Variants in VPS54 observed in about 807,000 individuals in gnomAD.
The protein encoded by VPS54 is VPS54 subunit of GARP complex.
A neutral mutation model predicts 121.5 loss-of-function variants in VPS54; 45 were observed. The observed-to-expected ratio is 0.37, with a 90% CI of 0.29 to 0.47. The LOEUF (loss-of-function observed/expected upper bound fraction) is 0.47. Ranked by LOEUF, VPS54 falls within the 20% of genes least tolerant of loss-of-function variation. VPS54 has a pLI of 0.99. For synonymous variants in VPS54, 371 were observed against 385.8 expected, an observed-to-expected ratio of 0.96 and a Z score of 0.45; for missense variants, 1,090 against 1,131.4, an observed-to-expected ratio of 0.96 and a Z score of 0.52.
At chr2:64,000,024 C>G (rs979150800) in intron 1 of VPS54, among the ~76,000 whole-genome samples, 6 of 151,984 alleles carry the variant, frequency 3.9e-5, no homozygotes, top group Non-Finnish European at 8.8e-5. Flanking sequence ...CCTTGCCCGG[C>G]TAATTTTTTG....
At chr2:63,945,370 C>T (rs1036055033) in intron 9 of VPS54, among the ~76,000 whole-genome samples, 4 of 152,016 alleles carry the variant, frequency 2.6e-5, no homozygotes, top group African/African-American at 9.7e-5. Flanking sequence ...GAGGGGAACA[C>T]CACACGGTGG....
At chr2:63,942,800 C>T (rs576299248) in intron 10 of VPS54, among the ~76,000 whole-genome samples, 43 of 152,246 alleles carry the variant, frequency 2.8e-4, no homozygotes, top group African/African-American at 9.4e-4. Context: ...GCTTTATGAT[C>T]ATTGAATGAA....
intron 7 of VPS54, among the ~76,000 whole-genome samples, chr2:63,954,976 A>G (rs1292922262): frequency 6.6e-6 from 1 of 151,990 alleles, no homozygotes; most frequent in Non-Finnish European, 1.5e-5. Context: ...CAATAAACAC[A>G]CCATAAGAAA....
At chr2:63,993,329 G>A (rs767510123) in intron 1 of VPS54, among the ~76,000 whole-genome samples, 13 of 152,114 alleles carry the variant, frequency 8.5e-5, no homozygotes, top group Middle Eastern at 3.2e-3. Context: ...TCCAATCTCC[G>A]CAGTCCCAGG....
intron 1 of VPS54, among the ~76,000 whole-genome samples, chr2:64,008,460 CAG>C (rs1433023330): frequency 6.7e-6 from 1 of 149,420 alleles, no homozygotes; most frequent in Non-Finnish European, 1.5e-5. Context: ...AGGAGATGGT[CAG>C]AGTTACATAC....
Position 63,944,699 on chromosome 2 carries a change from T to C in VPS54, c.1246-44A>G, listed in dbSNP as rs1674897179. On this transcript the variant is annotated intron_variant, in intron 9 of 22. Coordinates refer to ENST00000272322, the MANE Select transcript of VPS54 (RefSeq NM_016516.3). ...AACAAAAACAATTTGATTAATTGTC[T>C]TTCAAATCCTAAGTATTCCATGTTC... 4 of 1,508,574 alleles carry C rather than the reference T, an allele frequency of 2.7e-6. No homozygotes were observed. The East Asian group carries it at 9.1e-5, about 34-fold the overall frequency. 93.4% of individuals were successfully genotyped at this position (1,508,574 alleles called of 1,614,324 possible).
chr2:63,963,650 T>C (rs1675864877), intron 6 of VPS54, among the ~76,000 whole-genome samples: 1 of 152,122 alleles, frequency 6.6e-6, no homozygotes, highest in Admixed American at 6.6e-5. Flanking sequence ...TCTAAATAGG[T>C]TACAAACAAG....
At position 63,970,226 on chromosome 2, in the gene VPS54, C is replaced by T. The variant is rs796088934; in HGVS notation, c.458-1235G>A. On this transcript the variant is annotated intron_variant, in intron 4 of 22. Transcript: ENST00000272322. Reference sequence around the variant, plus strand: ...AAATATATATATACACACACACACACACACACACACATTCTAATATATATA... The same window carrying T: ...AAATATATATATACACACACACACATACACACACACATTCTAATATATATA... Among the ~76,000 whole-genome samples the T allele has an allele frequency of 1.3e-4, 10 of 74,322 alleles. No individual in the cohort carries two copies. In the South Asian group the frequency reaches 3.4e-3, roughly 25 times the overall value. 48.8% of individuals were successfully genotyped at this position (74,322 alleles called of 152,430 possible).
chr2:63,926,440 T>C (rs1415645170), intron 12 of VPS54, among the ~76,000 whole-genome samples: 1 of 152,246 alleles, frequency 6.6e-6, no homozygotes, highest in African/African-American at 2.4e-5. Context: ...TATAGCTGAC[T>C]TTATGCTGTA....
intron 1 of VPS54, among the ~76,000 whole-genome samples, chr2:64,014,009 G>C (rs1453806114): frequency 6.7e-6 from 1 of 148,384 alleles, no homozygotes. Context: ...TGACCAACAT[G>C]GCGAAACCCT....
Position 63,966,562 on chromosome 2 carries a change from T to G in VPS54, c.493-596A>C, listed in dbSNP as rs1001205840. On this transcript the variant is annotated intron_variant, in intron 5 of 22. Coordinates refer to ENST00000272322, the MANE Select transcript of VPS54 (RefSeq NM_016516.3). The stretch of plus-strand genomic sequence containing the variant: ...TCTCCACAGCATTCAGTAGTTCAGC[T>G]CTTCAATAGCTATTTACTGATATCC... Among the ~76,000 whole-genome samples, 38 of 152,178 alleles carry G rather than the reference T, an allele frequency of 2.5e-4. 2 individuals are homozygous for G. Among genetic ancestry groups the G allele is most frequent in the Admixed American group, 2.5e-3 (38 of 15,282 alleles).
intron 1 of VPS54, among the ~76,000 whole-genome samples, chr2:63,998,571 T>C (rs879354523): frequency 6.6e-6 from 1 of 152,170 alleles, no homozygotes; most frequent in African/African-American, 2.4e-5. Flanking sequence ...ATCTGTTCCA[T>C]GTTTTTTGAT....
chr2:63,929,884 C>T (rs1293330634), intron 12 of VPS54, among the ~76,000 whole-genome samples: 2 of 152,220 alleles, frequency 1.3e-5, no homozygotes, highest in East Asian at 3.9e-4. Context: ...ACTACAAACA[C>T]CTCTACACAA....
At chr2:63,992,653 G>C (rs184207577) in intron 1 of VPS54, among the ~76,000 whole-genome samples, 5 of 152,142 alleles carry the variant, frequency 3.3e-5, no homozygotes, top group African/African-American at 1.2e-4. Flanking sequence ...CTTCTTTCCC[G>C]CTGGAATTCT....
chr2:63,997,172 G>A (rs1248547295), intron 1 of VPS54, among the ~76,000 whole-genome samples: 4 of 152,148 alleles, frequency 2.6e-5, no homozygotes, highest in Admixed American at 6.5e-5. Flanking sequence ...TTCGTTTTCT[G>A]ATGCGTCTTT....
At chr2:63,936,240 T>G (rs1256279153) in intron 11 of VPS54, among the ~76,000 whole-genome samples, 1 of 145,022 alleles carries the variant, frequency 6.9e-6, no homozygotes, top group African/African-American at 2.6e-5. Flanking sequence ...GATTCTTCTT[T>G]GCTGTTTTCA....
At chr2:64,003,493 T>A (rs564170115) in intron 1 of VPS54, among the ~76,000 whole-genome samples, 1 of 152,318 alleles carries the variant, frequency 6.6e-6, no homozygotes, top group South Asian at 2.1e-4. Flanking sequence ...TTCTTCCCTA[T>A]CAGGCTTTGC....
intron 1 of VPS54, among the ~76,000 whole-genome samples, chr2:63,986,487 C>T (rs1677059130): frequency 6.6e-6 from 1 of 152,208 alleles, no homozygotes. Flanking sequence ...ATATGTACCA[C>T]ATTTTCTTTA....
At chr2:64,005,719 T>A (rs1678113050) in intron 1 of VPS54, among the ~76,000 whole-genome samples, 1 of 152,166 alleles carries the variant, frequency 6.6e-6, no homozygotes, top group South Asian at 2.1e-4. Context: ...ATCAAAAATG[T>A]CCTAGGGTTG....
Sources: allele counts gnomAD v4.1 joint callset (sites outside exome capture counted in the v4.1 genomes callset), GRCh38; gene constraint gnomAD v4.1.1; transcripts MANE v1.5; gene names NCBI Gene and HGNC (gene_info 2026-07-23, HGNC 2026-07-21).